XRCC2: variants seen among roughly 807,000 people sequenced by gnomAD.
XRCC2 encodes the protein DNA repair protein XRCC2.
Under a neutral mutation model 27.3 loss-of-function variants are expected in XRCC2, and 24 were observed. That is an observed-to-expected ratio of 0.88 (90% CI 0.64 to 1.24). The LOEUF (loss-of-function observed/expected upper bound fraction) is 1.24, where lower values mean the gene tolerates loss of function less well. Among genes scored for constraint, XRCC2 ranks in the 50% most tolerant of loss-of-function variants. The probability of loss-of-function intolerance (pLI) is 0.00; values close to 1 mark genes in which losing one functional copy is unlikely to be tolerated. For missense variants in XRCC2, 321 were observed against 325.8 expected, an observed-to-expected ratio of 0.99 and a Z score of 0.11; for synonymous variants, 106 against 115.4, an observed-to-expected ratio of 0.92 and a Z score of 0.52.
chr7:152,674,619 T>A (rs1346697042), intron 1 of XRCC2, among the ~76,000 whole-genome samples: 1 of 144,632 alleles, frequency 6.9e-6, no homozygotes, highest in Non-Finnish European at 1.5e-5. Context: ...CTCAAAAAAA[T>A]ATATATTTAT....
chr7:152,676,013 C>G, intron 1 of XRCC2, 28 bp downstream of exon 1: 1 of 1,613,496 alleles, frequency 6.2e-7, no homozygotes, highest in African/African-American at 1.3e-5. Flanking sequence ...GTTCCCATCT[C>G]CCTCACTCCC....
intron 2 of XRCC2, among the ~76,000 whole-genome samples, chr7:152,654,508 A>G (rs1020492760): frequency 3.3e-5 from 5 of 152,250 alleles, no homozygotes; most frequent in Non-Finnish European, 5.9e-5. Context: ...ATGACAATGA[A>G]AAACAGCAGG....
Position 152,645,240 on chromosome 7 carries a change from T to C in XRCC2, c.*3402A>G, listed in dbSNP as rs2098025267. On this transcript the variant is annotated 3_prime_UTR_variant, in exon 3 of 3. Transcript: ENST00000359321. ...CTTTATATTTTTAGTTATGATTAAA[T>C]ATTATATATATTTAAAATTCCATTT... 1 of 151,790 alleles carries C rather than the reference T, an allele frequency of 6.6e-6. No homozygotes were observed. The highest frequency in any genetic ancestry group is 6.6e-5 in the Admixed American group (1 of 15,238). The allele number at this position is 151,790 out of a possible 1,614,324, so 9.4% of individuals were successfully genotyped here.
At chr7:152,654,292 A>C (rs2098029836) in intron 2 of XRCC2, among the ~76,000 whole-genome samples, 1 of 152,120 alleles carries the variant, frequency 6.6e-6, no homozygotes, top group South Asian at 2.1e-4. Context: ...TAGAGAAAAA[A>C]CAAAAATCTC....
At chr7:152,654,125 G>A (rs537927640) in intron 2 of XRCC2, among the ~76,000 whole-genome samples, 3 of 148,918 alleles carry the variant, frequency 2.0e-5, no homozygotes, top group Non-Finnish European at 4.4e-5. Flanking sequence ...GAACCTGGGA[G>A]GCAGAGGGTT....
At chr7:152,674,312 A>T (rs1398939345) in intron 1 of XRCC2, among the ~76,000 whole-genome samples, 1 of 152,158 alleles carries the variant, frequency 6.6e-6, no homozygotes, top group Non-Finnish European at 1.5e-5. Flanking sequence ...GGTTTCAAAT[A>T]ATCATTTAAA....
At chr7:152,662,510 T>C (rs2098033542) in intron 1 of XRCC2, among the ~76,000 whole-genome samples, 2 of 146,260 alleles carry the variant, frequency 1.4e-5, no homozygotes, top group Admixed American at 6.9e-5. Flanking sequence ...CCCTTCTATA[T>C]GACAAAAGAA....
rs201836415 is a variant in XRCC2 at position 152,649,364 on chromosome 7, C to G, written c.122-1G>C. On this transcript the variant is annotated splice_acceptor_variant, in intron 2 of 2. Transcript: ENST00000359321. LOFTEE classifies it high-confidence loss of function. ...GGGCCATGAAATTCAAGAATATCAC[C>G]TGTGTAAAATTTAAAAATCTCAGTC... The G allele has an allele frequency of 6.4e-7, 1 of 1,560,714 alleles. No homozygotes were observed.
At chr7:152,671,968 G>T (rs749529727) in intron 1 of XRCC2, among the ~76,000 whole-genome samples, 2 of 152,162 alleles carry the variant, frequency 1.3e-5, no homozygotes, top group Non-Finnish European at 2.9e-5. Context: ...TTGAGCCCAG[G>T]AGGTCAAGGC....
Position 152,648,077 on chromosome 7 carries a change from A to C in XRCC2, c.*565T>G, listed in dbSNP as rs771199837. 6.6e-6 allele frequency: 1 copy of C among 152,190 alleles called. No homozygotes were observed. The highest frequency in any genetic ancestry group is 1.5e-5 in the Non-Finnish European group (1 of 68,046). 9.4% of individuals were successfully genotyped at this position (152,190 alleles called of 1,614,324 possible). On this transcript the variant is annotated 3_prime_UTR_variant, in exon 3 of 3. Transcript: ENST00000359321. Reference sequence around the variant, plus strand: ...GTCTTTACTTTTACTGTGCTAGTTTAACAAATCCATTCTGTAAAGAAATAC... The same window carrying C: ...GTCTTTACTTTTACTGTGCTAGTTTCACAAATCCATTCTGTAAAGAAATAC...
At chr7:152,666,775 G>A (rs2098035917) in intron 1 of XRCC2, among the ~76,000 whole-genome samples, 1 of 151,732 alleles carries the variant, frequency 6.6e-6, no homozygotes, top group Non-Finnish European at 1.5e-5. Flanking sequence ...GTGCCACCAT[G>A]CCTGGCTAAT....
intron 2 of XRCC2, among the ~76,000 whole-genome samples, chr7:152,655,497 C>T (rs2098030336): frequency 6.6e-6 from 1 of 151,518 alleles, no homozygotes; most frequent in African/African-American, 2.4e-5. Context: ...TGGCTTGAGC[C>T]CAGGAGTTCA....
In XRCC2 at chr7:152,649,202, T is replaced by C. The variant is rs140214637; in HGVS notation, c.283A>G (p.Ile95Val). 4.0e-4 allele frequency: 640 copies of C among 1,613,736 alleles called. No individual in the cohort carries two copies. The highest frequency in any genetic ancestry group is 5.3e-4 in the Non-Finnish European group (623 of 1,180,028). The change falls in exon 3 of 3, where the codon ATT becomes GTT. Residue 95 changes from isoleucine (I) to valine (V), a missense_variant. By Grantham distance (29) the Ile-to-Val change is conservative. Transcript: ENST00000359321. ...YHFDMLRLVT[I>V]LEHRLSQSSE... The stretch of plus-strand genomic sequence containing the variant: ...CTTTGGGATAGTCTGTGCTCAAGAA[T>C]TGTAACTAGCCGGAGCATATCAAAG...
intron 2 of XRCC2, among the ~76,000 whole-genome samples, chr7:152,658,637 G>A (rs1382475176): frequency 2.0e-5 from 3 of 152,292 alleles, no homozygotes; most frequent in South Asian, 2.1e-4. Context: ...TTTCTTTTCT[G>A]TGAATTTAAC....
rs1269286488 is a variant in XRCC2, at chr7:152,647,247, G to A, written c.*1395C>T. On this transcript the variant is annotated 3_prime_UTR_variant, in exon 3 of 3. Coordinates refer to ENST00000359321, the MANE Select transcript of XRCC2 (RefSeq NM_005431.2). ...CATGTCCTTTGCCCACTTTTTAATGGGGTGGTTTTTTCTTCTAAATTTGTT... is the reference window on the plus strand; with the variant it reads ...CATGTCCTTTGCCCACTTTTTAATGAGGTGGTTTTTTCTTCTAAATTTGTT... The A allele has an allele frequency of 1.3e-5, 2 of 152,032 alleles. No homozygotes were observed. Among genetic ancestry groups the A allele is most frequent in the Non-Finnish European group, 2.9e-5 (2 of 68,014 alleles). The allele number at this position is 152,032 out of a possible 1,614,324, so 9.4% of individuals were successfully genotyped here.
At chr7:152,655,331 T>C (rs1385359945) in intron 2 of XRCC2, among the ~76,000 whole-genome samples, 1 of 152,234 alleles carries the variant, frequency 6.6e-6, no homozygotes, top group Non-Finnish European at 1.5e-5. Context: ...TATGTTGAAT[T>C]TGCAGATTAT....
At position 152,649,308 on chromosome 7, in the gene XRCC2, A is replaced by G. The variant is rs1554410569; in HGVS notation, c.177T>C (p.Tyr59=). The change falls in exon 3 of 3, where the codon TAT becomes TAC. Residue 59 remains tyrosine, a synonymous_variant. Coordinates refer to ENST00000359321, the MANE Select transcript of XRCC2 (RefSeq NM_005431.2). ...GAAGTATACATCGTGCTGTTAGGTG[A>G]TAAAGCATTTCTGTTTTTCCTGTTC... ...PEGTGKTEML[Y]HLTARCILPK... is the part of the protein sequence containing the mutation. 6.2e-7 allele frequency: 1 copy of G among 1,611,636 alleles called. No individual in the cohort carries two copies.
chr7:152,667,439 T>C (rs1403336194), intron 1 of XRCC2, among the ~76,000 whole-genome samples: 2 of 145,052 alleles, frequency 1.4e-5, no homozygotes, highest in African/African-American at 2.6e-5. Context: ...AAAAAAGTAT[T>C]ATAATTTTAT....
intron 1 of XRCC2, 39 bp downstream of exon 1, chr7:152,676,002 T>C: frequency 6.2e-7 from 1 of 1,613,000 alleles, no homozygotes; most frequent in Non-Finnish European, 8.5e-7. Context: ...CCGGCGGCCT[T>C]GTTCCCATCT....
Sources: gnomAD v4.1 joint callset for allele counts (sites outside exome capture counted in the v4.1 genomes callset) on GRCh38, gnomAD v4.1.1 for gene constraint, MANE v1.5 for transcripts, NCBI Gene and HGNC (gene_info 2026-07-23, HGNC 2026-07-21) for gene names.